Variants in DISC1 observed in about 807,000 individuals in gnomAD.
DISC1 encodes the protein disrupted in schizophrenia 1 protein.
DISC1 carries 57 observed loss-of-function variants against 84.5 expected under a neutral mutation model. That is an observed-to-expected ratio of 0.67 (90% CI 0.55 to 0.84). The LOEUF is 0.84. Ranked by LOEUF, DISC1 falls within the 40% of genes least tolerant of loss-of-function variation. DISC1 has a pLI of 0.00. For missense variants in DISC1, 1,000 were observed against 1,057.8 expected (o/e 0.95, Z 0.76); for synonymous variants, 411 against 415.2 (o/e 0.99, Z 0.12).
intron 1 of DISC1, among the ~76,000 whole-genome samples, chr1:231,672,455 CCTGTCTT>C (rs1348218155): frequency 6.6e-6 from 1 of 152,018 alleles, no homozygotes; most frequent in African/African-American, 2.4e-5. Flanking sequence ...GTCATTCTGC[CCTGTCTT>C]CTCTCTTATC....
intron 10 of DISC1, among the ~76,000 whole-genome samples, chr1:231,983,879 T>C (rs1664020299): frequency 6.6e-6 from 1 of 152,186 alleles, no homozygotes; most frequent in African/African-American, 2.4e-5. Flanking sequence ...ATTGTATTCA[T>C]TTAGATGCTG....
intron 1 of DISC1, among the ~76,000 whole-genome samples, chr1:231,650,942 TTA>T (rs927308820): frequency 6.6e-6 from 1 of 152,216 alleles, no homozygotes; most frequent in African/African-American, 2.4e-5. Context: ...TCTACACTGT[TTA>T]TTCTAGTTAG....
intron 9 of DISC1, among the ~76,000 whole-genome samples, chr1:231,894,096 A>G (rs1001233188): frequency 6.6e-6 from 1 of 152,328 alleles, no homozygotes; most frequent in African/African-American, 2.4e-5. Flanking sequence ...GTGGTATTGC[A>G]TACACTGGCT....
At chr1:231,852,462 G>T (rs575752059) in intron 9 of DISC1, among the ~76,000 whole-genome samples, 41 of 152,324 alleles carry the variant, frequency 2.7e-4, no homozygotes, top group African/African-American at 9.6e-4. Context: ...AAAATCAGAC[G>T]CAGCTTTTCT....
At chr1:231,809,407 T>C (rs1375957801) in intron 8 of DISC1, among the ~76,000 whole-genome samples, 1 of 151,758 alleles carries the variant, frequency 6.6e-6, no homozygotes, top group East Asian at 1.9e-4. Context: ...ATATATTTTT[T>C]TTTTATCTCA....
chr1:231,695,001 T>C (rs2065464340), intron 2 of DISC1, among the ~76,000 whole-genome samples, 196 bp downstream of exon 2: 1 of 152,222 alleles, frequency 6.6e-6, no homozygotes, highest in Admixed American at 6.5e-5. Flanking sequence ...ACTCTCCTTT[T>C]TGTCTTCTCT....
rs1358908111 is a variant in DISC1 at position 232,040,189 on chromosome 1, AC to A, written c.*3360del. The A allele has an allele frequency of 6.6e-6, 1 of 152,054 alleles. No individual in the cohort carries two copies. The highest frequency in any genetic ancestry group is 1.5e-5 in the Non-Finnish European group (1 of 68,036). The allele number at this position is 152,054 out of a possible 1,614,324, so 9.4% of individuals were successfully genotyped here. A position where few individuals can be genotyped will look rare whatever the true frequency, so the allele number is the denominator to read the frequency against. On this transcript the variant is annotated 3_prime_UTR_variant, in exon 13 of 13. Coordinates refer to ENST00000439617, the MANE Select transcript of DISC1 (RefSeq NM_018662.3). Reference sequence around the variant, plus strand: ...GTATTTTTAGTAGAGACAGGGCTTCACCATGTTGGCTAGGAGGGTCTCAAAC... The same window carrying A: ...GTATTTTTAGTAGAGACAGGGCTTCACATGTTGGCTAGGAGGGTCTCAAAC...
intron 9 of DISC1, chr1:231,866,573 G>T: frequency 8.4e-7 from 1 of 1,187,558 alleles, no homozygotes; most frequent in Non-Finnish European, 1.3e-6. Context: ...TCAGCAACTT[G>T]CCTGAGGACA....
chr1:232,016,925 A>G (rs1205325523), intron 11 of DISC1, among the ~76,000 whole-genome samples: 1 of 152,188 alleles, frequency 6.6e-6, no homozygotes, highest in South Asian at 2.1e-4. Flanking sequence ...AGTAATAAAG[A>G]TATACCCTTA....
chr1:231,780,878 G>C (rs1417947160), intron 6 of DISC1, among the ~76,000 whole-genome samples: 10 of 111,172 alleles, frequency 9.0e-5, no homozygotes, highest in Non-Finnish European at 1.4e-4. Context: ...GATGAAATTG[G>C]AAATCATCAT....
intron 9 of DISC1, among the ~76,000 whole-genome samples, chr1:231,889,806 A>G (rs903810233): frequency 4.6e-5 from 7 of 151,822 alleles, no homozygotes; most frequent in African/African-American, 1.7e-4. Context: ...TAAAACATGT[A>G]GGGGCTGTCA....
intron 7 of DISC1, among the ~76,000 whole-genome samples, chr1:231,797,870 T>C (rs1254336302): frequency 2.0e-5 from 3 of 152,108 alleles, no homozygotes; most frequent in East Asian, 1.9e-4. Flanking sequence ...ATAAAAAGGA[T>C]ACACAGGTTT....
At chr1:231,987,388 T>C (rs1664601520) in intron 10 of DISC1, among the ~76,000 whole-genome samples, 1 of 152,256 alleles carries the variant, frequency 6.6e-6, no homozygotes, top group African/African-American at 2.4e-5. Flanking sequence ...AGATGCACTT[T>C]GTATTGACAG....
intron 3 of DISC1, chr1:231,723,709 A>T (rs2070209726): frequency 1.0e-6 from 1 of 985,248 alleles, no homozygotes; most frequent in South Asian, 4.7e-5. Flanking sequence ...TCTTCCATTC[A>T]TCTCTCCTTC....
At chr1:231,720,756 A>G in intron 3 of DISC1, 1 of 985,130 alleles carries the variant, frequency 1.0e-6, no homozygotes, top group South Asian at 1.4e-5. Flanking sequence ...CTAAAATGTG[A>G]AGTTCTTAAG....
intron 1 of DISC1, among the ~76,000 whole-genome samples, chr1:231,680,551 A>G (rs796422408): frequency 6.6e-5 from 10 of 152,332 alleles, no homozygotes; most frequent in African/African-American, 2.4e-4. Context: ...TGTGGAAAAA[A>G]AATACTGAAT....
At chr1:231,864,677 A>T (rs1175237891) in intron 9 of DISC1, among the ~76,000 whole-genome samples, 2 of 152,122 alleles carry the variant, frequency 1.3e-5, no homozygotes, top group African/African-American at 4.8e-5. Flanking sequence ...AAATAAAACA[A>T]CAACAACAAC....
At chr1:231,665,525 T>G (rs990614400) in intron 1 of DISC1, among the ~76,000 whole-genome samples, 24 of 152,226 alleles carry the variant, frequency 1.6e-4, no homozygotes, top group Admixed American at 1.3e-3. Flanking sequence ...GCAGACAATG[T>G]AAACTTACAA....
chr1:231,796,954 C>T (rs929708557), intron 7 of DISC1, among the ~76,000 whole-genome samples: 1 of 152,070 alleles, frequency 6.6e-6, no homozygotes, highest in Non-Finnish European at 1.5e-5. Flanking sequence ...TGAGCTCAAG[C>T]GATCCTCCTG....
Sources: gnomAD v4.1 joint callset for allele counts (sites outside exome capture counted in the v4.1 genomes callset) on GRCh38, gnomAD v4.1.1 for gene constraint, MANE v1.5 for transcripts, NCBI Gene and HGNC (gene_info 2026-07-23, HGNC 2026-07-21) for gene names.